Variants in PDE11A observed in about 807,000 individuals in gnomAD.
The protein encoded by PDE11A is dual 3',5'-cyclic-AMP and -GMP phosphodiesterase 11A.
In PDE11A, 100 loss-of-function variants were observed where a neutral mutation model predicts 100.5. The ratio of observed to expected loss-of-function variants is 1.00; its 90% CI spans 0.85 to 1.18. The LOEUF (loss-of-function observed/expected upper bound fraction) is 1.18. PDE11A is among the 50% of genes most tolerant of loss of function. The pLI is 0.00. For missense variants in PDE11A, 1,141 were observed against 1,152.6 expected (o/e 0.99, Z 0.15); for synonymous variants, 381 against 420.8 (o/e 0.91, Z 1.16).
chr2:177,748,613 T>C (rs2081985814), intron 10 of PDE11A, among the ~76,000 whole-genome samples: 1 of 149,834 alleles, frequency 6.7e-6, no homozygotes, highest in Non-Finnish European at 1.5e-5. Flanking sequence ...GTGGGATATA[T>C]ACTATAGGCA....
chr2:177,829,520 T>C (rs1044604019), intron 6 of PDE11A, among the ~76,000 whole-genome samples: 1 of 151,962 alleles, frequency 6.6e-6, no homozygotes, highest in African/African-American at 2.4e-5. Context: ...CTCGGCTCAC[T>C]GCAACCTCCG....
intron 1 of PDE11A, among the ~76,000 whole-genome samples, chr2:178,105,016 A>G (rs1364960016): frequency 2.0e-5 from 3 of 152,364 alleles, no homozygotes; most frequent in Middle Eastern, 3.4e-3. Context: ...TGTATGTAAC[A>G]TAATTTCTCA....
intron 2 of PDE11A, among the ~76,000 whole-genome samples, chr2:177,952,574 C>T (rs1257282582): frequency 5.3e-5 from 8 of 152,170 alleles, no homozygotes; most frequent in Admixed American, 5.2e-4. Context: ...CTTTCTGAGG[C>T]CTGGTTCAGC....
chr2:177,737,432 T>TCACACACAC (rs2081805123), intron 10 of PDE11A, among the ~76,000 whole-genome samples: 1 of 136,550 alleles, frequency 7.3e-6, no homozygotes, highest in Non-Finnish European at 1.6e-5. Flanking sequence ...CACACACACA[T>TCACACACAC]ACACACACAC....
chr2:177,843,604 T>G (rs2083527028), intron 5 of PDE11A, among the ~76,000 whole-genome samples: 1 of 152,258 alleles, frequency 6.6e-6, no homozygotes, highest in African/African-American at 2.4e-5. Context: ...TGTGGCTTGG[T>G]TCAGTATGCA....
chr2:177,675,982 A>G, intron 16 of PDE11A: 1 of 289,104 alleles, frequency 3.5e-6, no homozygotes, highest in South Asian at 3.5e-5. Context: ...CACATGCCAC[A>G]TAAGGGGCTC....
chr2:177,704,662 G>A (rs2081252791), intron 13 of PDE11A, among the ~76,000 whole-genome samples: 1 of 152,122 alleles, frequency 6.6e-6, no homozygotes, highest in Non-Finnish European at 1.5e-5. Context: ...ATGTTAAATG[G>A]CATTAAGAGA....
At position 177,895,952 on chromosome 2, in the gene PDE11A, TA is replaced by T. The variant is rs531871645; in HGVS notation, c.1302+2105del. The stretch of plus-strand genomic sequence containing the variant: ...AATTAAAATTTAGAAAATTAGAATT[TA>T]AAAAATCAAAAAGCCAAAACAAAAC... On this transcript the variant is annotated intron_variant, in intron 4 of 19. Coordinates refer to ENST00000286063, the MANE Select transcript of PDE11A (RefSeq NM_016953.4). 4.6e-5 allele frequency among the ~76,000 whole-genome samples: 7 copies of T among 152,250 alleles called. No homozygotes were observed. In the South Asian group the frequency reaches 8.3e-4, roughly 18 times the overall value.
chr2:177,641,426 C>A (rs374389141), intron 19 of PDE11A, among the ~76,000 whole-genome samples: 288 of 135,844 alleles, frequency 2.1e-3, no homozygotes, highest in Non-Finnish European at 2.9e-3. Context: ...TTTACTGAGT[C>A]AAAAAAAAAA....
rs1156470879 is a variant in PDE11A at position 177,981,090 on chromosome 2, G to T, written c.1071+33212C>A. ...TTCACTTAATAGCTGTGTGATCTTG[G>T]GCAAATCACTTAACCTCCAGTAAGC... On this transcript the variant is annotated intron_variant, in intron 2 of 19. Coordinates refer to ENST00000286063, the MANE Select transcript of PDE11A (RefSeq NM_016953.4). Among the ~76,000 whole-genome samples, 7 of 149,882 alleles carry T rather than the reference G, an allele frequency of 4.7e-5. 1 individual carries two copies. The highest frequency in any genetic ancestry group is 1.0e-4 in the Non-Finnish European group (7 of 66,974).
At chr2:178,074,726 GAGA>G (rs1220010468), upstream of PDE11A, among the ~76,000 whole-genome samples, 4 of 152,158 alleles carry the variant, frequency 2.6e-5, no homozygotes, top group Non-Finnish European at 5.9e-5. Flanking sequence ...AGTGAGAGTG[GAGA>G]AGAATACTGG....
At chr2:178,104,197 T>C in intron 2 of PDE11A, 2 of 1,017,424 alleles carry the variant, frequency 2.0e-6, no homozygotes, top group South Asian at 2.6e-5. Context: ...TAAAGAGTGG[T>C]CCATTTTTAA....
chr2:177,788,115 C>A (rs2082568298), intron 9 of PDE11A, among the ~76,000 whole-genome samples: 1 of 151,904 alleles, frequency 6.6e-6, no homozygotes, highest in South Asian at 2.1e-4. Flanking sequence ...ACACCTATTC[C>A]AAAATTGACC....
At chr2:178,051,542 A>G (rs1315650685) in intron 1 of PDE11A, among the ~76,000 whole-genome samples, 1 of 152,194 alleles carries the variant, frequency 6.6e-6, no homozygotes, top group East Asian at 1.9e-4. Context: ...AAATGCTCCA[A>G]TTAAAAGACA....
chr2:177,805,036 T>C (rs563649304), intron 9 of PDE11A, among the ~76,000 whole-genome samples: 1 of 151,830 alleles, frequency 6.6e-6, no homozygotes, highest in African/African-American at 2.4e-5. Context: ...CTACATAATA[T>C]ATCCATGTAA....
intron 5 of PDE11A, among the ~76,000 whole-genome samples, chr2:177,871,525 A>AATT (rs142275376): frequency 0.043 from 5,985 of 138,162 alleles, 132 homozygotes; most frequent in East Asian, 0.1. Context: ...GTCAGTAGTA[A>AATT]ATTATTATTA....
chr2:177,879,127 G>A (rs2084289368), intron 4 of PDE11A, among the ~76,000 whole-genome samples: 1 of 152,136 alleles, frequency 6.6e-6, no homozygotes, highest in Non-Finnish European at 1.5e-5. Context: ...CGTGGTAAGA[G>A]TAGATGTTAA....
In PDE11A at chr2:177,951,087, T is replaced by C. The variant is rs1167610793; in HGVS notation, c.1072-45900A>G. Among the ~76,000 whole-genome samples the C allele has an allele frequency of 2.0e-5, 3 of 152,232 alleles. 1 individual carries two copies. On this transcript the variant is annotated intron_variant, in intron 2 of 19. Transcript: ENST00000286063. Reference sequence around the variant, plus strand: ...GTCTGTGTAACTTTCCTGTTGTGAATCTTTTATGTTAGATAGAAATGTTCC... The same window carrying C: ...GTCTGTGTAACTTTCCTGTTGTGAACCTTTTATGTTAGATAGAAATGTTCC...
At chr2:177,630,899 A>G (rs1291262651) in intron 19 of PDE11A, among the ~76,000 whole-genome samples, 1 of 152,162 alleles carries the variant, frequency 6.6e-6, no homozygotes, top group East Asian at 1.9e-4. Flanking sequence ...ATGACATTTA[A>G]CTTTTAGAAA....
Sources: gnomAD v4.1 joint callset for allele counts (sites outside exome capture counted in the v4.1 genomes callset) on GRCh38, gnomAD v4.1.1 for gene constraint, MANE v1.5 for transcripts, NCBI Gene and HGNC (gene_info 2026-07-23, HGNC 2026-07-21) for gene names.